THAP6: variants seen among roughly 807,000 people sequenced by gnomAD.
The protein encoded by THAP6 is THAP domain-containing protein 6.
Under a neutral mutation model 20.0 loss-of-function variants are expected in THAP6, and 13 were observed. The observed-to-expected ratio is 0.65, with a 90% confidence interval of 0.42 to 1.03. THAP6 has a LOEUF of 1.03. THAP6 is among the 50% of genes least tolerant of loss of function. THAP6 has a pLI of 0.00. For missense variants in THAP6, 262 were observed against 261.6 expected, an observed-to-expected ratio of 1.00 and a Z score of -0.01; for synonymous variants, 93 against 92.2, an observed-to-expected ratio of 1.01 and a Z score of -0.05.
At chr4:75,524,472 C>CT (rs1358339276) in intron 4 of THAP6, among the ~76,000 whole-genome samples, 2 of 152,168 alleles carry the variant, frequency 1.3e-5, no homozygotes, top group Admixed American at 6.5e-5. Context: ...TTAACATTTC[C>CT]TATAGTGCAA....
intron 3 of THAP6, among the ~76,000 whole-genome samples, chr4:75,521,089 C>T (rs1051960682): frequency 6.6e-6 from 1 of 151,026 alleles, no homozygotes; most frequent in South Asian, 2.1e-4. Context: ...TTCCCAGTTA[C>T]TTTTTATTGT....
chr4:75,537,397 AC>A (rs1181773967), intron 2 of THAP6, among the ~76,000 whole-genome samples: 1 of 152,066 alleles, frequency 6.6e-6, no homozygotes, highest in African/African-American at 2.4e-5. Context: ...TTTCCCCCAT[AC>A]TGTTCTCATG....
At chr4:75,525,071 TC>T (rs1247803995) in intron 4 of THAP6, among the ~76,000 whole-genome samples, 3 of 152,234 alleles carry the variant, frequency 2.0e-5, no homozygotes, top group African/African-American at 7.2e-5. Context: ...TTTGTTTTTT[TC>T]TACTGCTTTT....
intron 3 of THAP6, 37 bp downstream of exon 3, chr4:75,517,016 C>CTTT (rs34218401): frequency 2.8e-3 from 2,505 of 900,074 alleles, no homozygotes; most frequent in Non-Finnish European, 3.0e-3. Flanking sequence ...TCATTGCTCA[C>CTTT]TTTTTTTTTT....
intron 3 of THAP6, among the ~76,000 whole-genome samples, chr4:75,546,100 T>C (rs1044103910): frequency 2.0e-5 from 3 of 152,216 alleles, no homozygotes; most frequent in African/African-American, 7.2e-5. Context: ...TGAAACAAAT[T>C]ACTTAGCAAA....
In THAP6 at chr4:75,527,138, A is replaced by G; in HGVS notation, c.593A>G (p.Gln198Arg). The G allele has an allele frequency of 1.2e-6, 2 of 1,614,170 alleles. No homozygotes were observed. Among genetic ancestry groups the G allele is most frequent in the Non-Finnish European group, 1.7e-6 (2 of 1,179,996 alleles). ...TTAAAGGATGAATGTCTGATCAGCC[A>G]AGAAACAGCAAATAGACTGGACACT... ...RELKDECLIS[Q>R]ETANRLDTFC... is the part of the protein sequence containing the mutation. Residue 198 changes from glutamine to arginine, a missense_variant, in exon 5 of 5, where the codon CAA becomes CGA. By Grantham distance (43) the Gln-to-Arg change is conservative. Transcript: ENST00000311638.
intron 2 of THAP6, chr4:75,539,857 A>G (rs1470489931): frequency 1.3e-6 from 2 of 1,536,102 alleles, no homozygotes; most frequent in South Asian, 2.4e-5. Context: ...ATCCCATCCC[A>G]GAAACACAGG....
intron 2 of THAP6, among the ~76,000 whole-genome samples, chr4:75,541,035 C>CAT (rs1436931499): frequency 6.6e-6 from 1 of 151,346 alleles, no homozygotes; most frequent in Non-Finnish European, 1.5e-5. Context: ...CATGGCTATC[C>CAT]AAAGGATCAA....
At chr4:75,545,618 ACT>A in intron 3 of THAP6, among the ~76,000 whole-genome samples, 1 of 152,090 alleles carries the variant, frequency 6.6e-6, no homozygotes, top group East Asian at 1.9e-4. Flanking sequence ...CCTCAACCTG[ACT>A]CAGGGGTGCC....
intron 2 of THAP6, among the ~76,000 whole-genome samples, chr4:75,537,143 AAAC>A (rs143089379): frequency 0.014 from 2,070 of 152,298 alleles, 37 homozygotes; most frequent in African/African-American, 0.047. Context: ...GCAGAGCTGA[AAAC>A]AGTCCTGCAG....
chr4:75,539,538 C>T (rs1726950637), intron 2 of THAP6, among the ~76,000 whole-genome samples: 1 of 152,040 alleles, frequency 6.6e-6, no homozygotes, highest in Non-Finnish European at 1.5e-5. Flanking sequence ...CAAAATAGAA[C>T]ATAAGTTTGT....
At chr4:75,523,649 C>G (rs1726175993) in intron 4 of THAP6, among the ~76,000 whole-genome samples, 1 of 151,480 alleles carries the variant, frequency 6.6e-6, no homozygotes, top group African/African-American at 2.4e-5. Flanking sequence ...ACCAAAAATA[C>G]AAAAAAATTA....
intron 2 of THAP6, 122 bp from the exon 3 acceptor site, chr4:75,516,647 TATA>T (rs1725664911): frequency 1.3e-6 from 1 of 766,960 alleles, no homozygotes; most frequent in South Asian, 2.2e-5. Context: ...TCCTAAATAT[TATA>T]ATTCTCAAGA....
rs1578282949 is a variant in THAP6 at position 75,539,888 on chromosome 4, A to C, written c.166-2521A>C. The C allele has an allele frequency of 2.6e-6, 4 of 1,536,144 alleles. No homozygotes were observed. The East Asian group carries it at 9.8e-5, about 38-fold the overall frequency. ...ACAGGAAAAGGAAACAAGAACAGGA[A>C]GAAGAACAAAAACCAAGAAGAGAGA... is the stretch of plus-strand genomic sequence containing the variant. On this transcript the variant is annotated intron_variant, in intron 2 of 4. Coordinates refer to the THAP6 transcript ENST00000502620.
chr4:75,542,478 A>T lies in THAP6; in HGVS notation c.235A>T (p.Ile79Phe), dbSNP rs189312493. The T allele has an allele frequency of 1.4e-3, 954 of 702,420 alleles. 6 individuals are homozygous for T. Among genetic ancestry groups the T allele is most frequent in the South Asian group, 3.1e-3 (212 of 67,552 alleles). The allele number at this position is 702,420 out of a possible 1,614,324, so 43.5% of individuals were successfully genotyped here. A position where few individuals can be genotyped will look rare whatever the true frequency, so the allele number is the denominator to read the frequency against. Residue 79 changes from isoleucine to phenylalanine, a missense_variant, in exon 3 of 5, where the codon ATT becomes TTT. By Grantham distance (21) the Ile-to-Phe change is conservative. Transcript: ENST00000502620. ...TTTCTCAGTAACCATCATAGCTAAC[A>T]TTTATAAGGTGCCAATCTTTATTCA...
At chr4:75,536,627 C>T (rs951571543) in intron 2 of THAP6, among the ~76,000 whole-genome samples, 10 of 152,146 alleles carry the variant, frequency 6.6e-5, no homozygotes, top group Non-Finnish European at 7.4e-5. Context: ...TGGGCTCAAG[C>T]GATCCTCCCA....
intron 3 of THAP6, among the ~76,000 whole-genome samples, chr4:75,520,534 A>G (rs2148811418): frequency 6.6e-6 from 1 of 152,316 alleles, no homozygotes; most frequent in Admixed American, 6.5e-5. Context: ...AGTTGATCCT[A>G]CATATGAACA....
chr4:75,519,188 A>G (rs530759813), intron 3 of THAP6, among the ~76,000 whole-genome samples: 1 of 152,252 alleles, frequency 6.6e-6, no homozygotes, highest in East Asian at 1.9e-4. Context: ...GTAGCATGAG[A>G]TACTGGTCCA....
At chr4:75,526,572 A>G (rs1446987720) in intron 4 of THAP6, among the ~76,000 whole-genome samples, 1 of 152,200 alleles carries the variant, frequency 6.6e-6, no homozygotes, top group Non-Finnish European at 1.5e-5. Context: ...CACCTTATCA[A>G]ATGCAATAGC....
Sources: allele counts gnomAD v4.1 joint callset (sites outside exome capture counted in the v4.1 genomes callset), GRCh38; gene constraint gnomAD v4.1.1; transcripts MANE v1.5; gene names NCBI Gene and HGNC (gene_info 2026-07-23, HGNC 2026-07-21).